Variants in SLC35F3 observed in about 807,000 individuals in gnomAD.
SLC35F3 encodes the protein putative thiamine transporter SLC35F3.
A neutral mutation model predicts 49.9 loss-of-function variants in SLC35F3; 25 were observed. The ratio of observed to expected loss-of-function variants is 0.50; its 90% CI spans 0.37 to 0.70. The LOEUF (loss-of-function observed/expected upper bound fraction) is 0.70. SLC35F3 is among the 30% of genes least tolerant of loss of function. The pLI is 0.00. For missense variants in SLC35F3, 525 were observed against 639.8 expected (o/e 0.82, Z 1.94); for synonymous variants, 275 against 265.4 (o/e 1.04, Z -0.35).
At chr1:234,038,051 G>A (rs147463332) in intron 2 of SLC35F3, among the ~76,000 whole-genome samples, 1,606 of 151,722 alleles carry the variant, frequency 0.011, 15 homozygotes, top group Non-Finnish European at 0.017. Flanking sequence ...CCATGTTGGG[G>A]TGCTGCACCC....
Position 234,183,913 on chromosome 1 carries a change from A to G in SLC35F3, c.284-47504A>G, listed in dbSNP as rs1316949618. Among the ~76,000 whole-genome samples the G allele has an allele frequency of 1.7e-5, 2 of 119,730 alleles. 1 individual carries two copies. Among genetic ancestry groups the G allele is most frequent in the Non-Finnish European group, 3.5e-5 (2 of 56,866 alleles). 78.5% of individuals were successfully genotyped at this position (119,730 alleles called of 152,430 possible). A position where few individuals can be genotyped will look rare whatever the true frequency, so the allele number is the denominator to read the frequency against. On this transcript the variant is annotated intron_variant, in intron 2 of 7. Coordinates refer to ENST00000366618, the MANE Select transcript of SLC35F3 (RefSeq NM_173508.4). ...CTTTGTTGAATACCTGCTATGTGCT[A>G]GACACCAGCAGAGCAGTTTACAATT...
At chr1:234,280,369 G>A (rs1668303344) in intron 3 of SLC35F3, among the ~76,000 whole-genome samples, 1 of 152,222 alleles carries the variant, frequency 6.6e-6, no homozygotes, top group African/African-American at 2.4e-5. Flanking sequence ...GCTATAATTA[G>A]AGTAAGAGTA....
chr1:233,942,411 T>C (rs1055978822), intron 2 of SLC35F3, among the ~76,000 whole-genome samples: 6 of 152,112 alleles, frequency 3.9e-5, no homozygotes, highest in African/African-American at 1.4e-4. Flanking sequence ...ATAACCTTTA[T>C]TCATTTATTT....
intron 2 of SLC35F3, among the ~76,000 whole-genome samples, chr1:233,959,285 T>C (rs946173941): frequency 6.6e-6 from 1 of 152,146 alleles, no homozygotes; most frequent in Non-Finnish European, 1.5e-5. Context: ...TTATCTGCAG[T>C]TCCAGCAATG....
At chr1:233,987,884 A>T (rs1663292276) in intron 2 of SLC35F3, among the ~76,000 whole-genome samples, 1 of 152,070 alleles carries the variant, frequency 6.6e-6, no homozygotes, top group Admixed American at 6.6e-5. Flanking sequence ...CCCTCCTGAT[A>T]CCATATTTTA....
chr1:233,947,641 G>T (rs1283594113), intron 2 of SLC35F3, among the ~76,000 whole-genome samples: 6 of 147,654 alleles, frequency 4.1e-5, no homozygotes, highest in Non-Finnish European at 9.1e-5. Flanking sequence ...CTGGAAACAG[G>T]CGTTTCTATG....
intron 6 of SLC35F3, among the ~76,000 whole-genome samples, chr1:234,319,768 A>C (rs1167024159): frequency 3.3e-5 from 5 of 152,200 alleles, no homozygotes. Context: ...GCTCCTGTTC[A>C]TGCAGTTATC....
intron 2 of SLC35F3, among the ~76,000 whole-genome samples, chr1:234,176,447 C>T (rs979505166): frequency 1.3e-5 from 2 of 152,166 alleles, no homozygotes; most frequent in Non-Finnish European, 2.9e-5. Context: ...CACGCTTGTT[C>T]CACTCACAGC....
intron 2 of SLC35F3, among the ~76,000 whole-genome samples, chr1:233,916,939 T>G (rs1222981865): frequency 4.3e-5 from 6 of 141,140 alleles, no homozygotes; most frequent in African/African-American, 1.5e-4. Context: ...GTAAATTCAT[T>G]TATTTGTTAA....
intron 2 of SLC35F3, among the ~76,000 whole-genome samples, chr1:233,941,962 G>T (rs12735950): frequency 0.32 from 37,326 of 116,840 alleles, 5,600 homozygotes; most frequent in East Asian, 0.52. Context: ...TTGTTTTTTT[G>T]TTTTTTTTTT....
intron 2 of SLC35F3, among the ~76,000 whole-genome samples, chr1:233,972,667 T>C (rs544710113): frequency 6.6e-6 from 1 of 152,304 alleles, no homozygotes; most frequent in South Asian, 2.1e-4. Context: ...ATCATCATAA[T>C]TATTACAACA....
At chr1:234,119,533 G>A (rs1316216090) in intron 2 of SLC35F3, among the ~76,000 whole-genome samples, 3 of 152,290 alleles carry the variant, frequency 2.0e-5, no homozygotes, top group African/African-American at 7.2e-5. Context: ...TTCCAATGCA[G>A]GGAGGCGAGT....
At chr1:233,956,328 C>G (rs1277085482) in intron 2 of SLC35F3, among the ~76,000 whole-genome samples, 1 of 152,164 alleles carries the variant, frequency 6.6e-6, no homozygotes, top group Admixed American at 6.6e-5. Context: ...TTCATACACA[C>G]ACACACACAT....
chr1:234,031,754 T>C (rs1007327744), intron 2 of SLC35F3, among the ~76,000 whole-genome samples: 6 of 152,222 alleles, frequency 3.9e-5, no homozygotes, highest in African/African-American at 1.2e-4. Context: ...AGTCATATCC[T>C]GAAATTGGCT....
chr1:234,062,708 C>T (rs1017516562), intron 2 of SLC35F3, among the ~76,000 whole-genome samples: 5 of 151,122 alleles, frequency 3.3e-5, no homozygotes, highest in Non-Finnish European at 5.9e-5. Context: ...GAGACGGAGC[C>T]TTGCTCTGTC....
intron 2 of SLC35F3, among the ~76,000 whole-genome samples, chr1:234,177,320 T>C (rs1666490949): frequency 6.6e-6 from 1 of 152,196 alleles, no homozygotes; most frequent in African/African-American, 2.4e-5. Flanking sequence ...TATGTCTTTA[T>C]CAGCAGCATA....
chr1:233,911,046 A>G (rs1434174410), intron 2 of SLC35F3, among the ~76,000 whole-genome samples: 2 of 152,134 alleles, frequency 1.3e-5, no homozygotes, highest in Non-Finnish European at 2.9e-5. Context: ...ACTGAATAAC[A>G]CACCTGGTGA....
At chr1:233,938,884 A>G (rs561609144) in intron 2 of SLC35F3, among the ~76,000 whole-genome samples, 8 of 152,344 alleles carry the variant, frequency 5.3e-5, no homozygotes, top group African/African-American at 1.9e-4. Flanking sequence ...TTGGTTAACA[A>G]TGTCAAACTG....
chr1:233,985,004 A>C (rs1663243665), intron 2 of SLC35F3, among the ~76,000 whole-genome samples: 1 of 143,410 alleles, frequency 7.0e-6, no homozygotes, highest in Non-Finnish European at 1.6e-5. Flanking sequence ...CTTTATTTTC[A>C]TGCAGGGGTT....
Sources: gnomAD v4.1 joint callset for allele counts (sites outside exome capture counted in the v4.1 genomes callset) on GRCh38, gnomAD v4.1.1 for gene constraint, MANE v1.5 for transcripts, NCBI Gene and HGNC (gene_info 2026-07-23, HGNC 2026-07-21) for gene names.